CSMD3: variants seen among roughly 807,000 people sequenced by gnomAD.
CSMD3 encodes CUB and sushi domain-containing protein 3.
In CSMD3, 177 loss-of-function variants were observed where a neutral mutation model predicts 435.2. The observed-to-expected ratio is 0.41, with a 90% CI of 0.36 to 0.46. CSMD3 has a LOEUF of 0.46. CSMD3 is among the 20% of genes least tolerant of loss of function. The probability of loss-of-function intolerance (pLI) is 0.34; values close to 1 mark genes in which losing one functional copy is unlikely to be tolerated. For synonymous variants in CSMD3, 1,656 were observed against 1,520.5 expected (o/e 1.09, Z -2.07); for missense variants, 4,265 against 4,504.6 (o/e 0.95, Z 1.52).
chr8:112,534,167 T>C (rs1305108139), intron 27 of CSMD3, among the ~76,000 whole-genome samples: 2 of 151,894 alleles, frequency 1.3e-5, no homozygotes, highest in Non-Finnish European at 2.9e-5. Flanking sequence ...AAGAAATAAC[T>C]AAAATCAGAG....
intron 32 of CSMD3, among the ~76,000 whole-genome samples, chr8:112,416,349 A>G (rs969846703): frequency 1.3e-5 from 2 of 152,128 alleles, no homozygotes; most frequent in African/African-American, 2.4e-5. Flanking sequence ...GCTTTCTACC[A>G]TGATTGTAAG....
At chr8:112,800,306 G>T in intron 12 of CSMD3, 32 bp from the exon 13 acceptor site, 1 of 1,337,816 alleles carries the variant, frequency 7.5e-7, no homozygotes, top group Non-Finnish European at 1.1e-6. Flanking sequence ...AGGGAGAGAT[G>T]GGTTATTAAA....
intron 5 of CSMD3, among the ~76,000 whole-genome samples, chr8:113,063,884 T>C (rs1417940775): frequency 2.6e-5 from 4 of 151,798 alleles, no homozygotes; most frequent in Admixed American, 2.6e-4. Flanking sequence ...AAATAGATGA[T>C]AGTAATAGGT....
chr8:112,850,845 G>C (rs1304243272), intron 11 of CSMD3, among the ~76,000 whole-genome samples: 1 of 152,168 alleles, frequency 6.6e-6, no homozygotes. Context: ...ACTGAATACA[G>C]ATTGGGGCAG....
At chr8:112,546,434 G>C (rs920456929) in intron 27 of CSMD3, among the ~76,000 whole-genome samples, 2 of 152,148 alleles carry the variant, frequency 1.3e-5, no homozygotes, top group African/African-American at 4.8e-5. Flanking sequence ...CATGCAATTG[G>C]TTAAAGCTGG....
intron 8 of CSMD3, among the ~76,000 whole-genome samples, chr8:112,951,233 AGT>A (rs2083797615): frequency 6.6e-6 from 1 of 151,844 alleles, no homozygotes; most frequent in East Asian, 1.9e-4. Flanking sequence ...TTCATTTCAC[AGT>A]GCCATTGATG....
At chr8:113,218,030 T>A (rs2132114078) in intron 3 of CSMD3, among the ~76,000 whole-genome samples, 1 of 151,312 alleles carries the variant, frequency 6.6e-6, no homozygotes, top group South Asian at 2.1e-4. Context: ...ACTGAAGGTA[T>A]ATATATGTTT....
intron 4 of CSMD3, among the ~76,000 whole-genome samples, chr8:113,112,474 TACAC>T (rs10587896): frequency 0.16 from 15,180 of 96,058 alleles, 1,736 homozygotes; most frequent in African/African-American, 0.2. Context: ...CACACACACG[TACAC>T]ACACACACAC....
chr8:112,580,226 G>T (rs566395982), intron 23 of CSMD3, among the ~76,000 whole-genome samples: 54 of 152,014 alleles, frequency 3.6e-4, no homozygotes, highest in African/African-American at 1.2e-3. Flanking sequence ...TTAATTGAAA[G>T]AATTAATTAG....
At chr8:113,145,700 T>C (rs1452558778) in intron 4 of CSMD3, among the ~76,000 whole-genome samples, 1 of 151,660 alleles carries the variant, frequency 6.6e-6, no homozygotes, top group Non-Finnish European at 1.5e-5. Flanking sequence ...ACCTGGTTTA[T>C]TAATTTCTGC....
intron 18 of CSMD3, among the ~76,000 whole-genome samples, chr8:112,651,957 T>C (rs940867820): frequency 2.0e-5 from 3 of 152,126 alleles, no homozygotes; most frequent in African/African-American, 7.2e-5. Flanking sequence ...TCTTACCCTA[T>C]CCAAGGCCCT....
intron 32 of CSMD3, among the ~76,000 whole-genome samples, chr8:112,443,413 G>C (rs1815258244): frequency 6.6e-6 from 1 of 152,084 alleles, no homozygotes; most frequent in African/African-American, 2.4e-5. Context: ...ATAGATAAAA[G>C]ACTATATTTC....
At chr8:113,104,147 TGGGGGTGGG>T (rs1564318832) in intron 4 of CSMD3, among the ~76,000 whole-genome samples, 3 of 152,068 alleles carry the variant, frequency 2.0e-5, no homozygotes, top group Non-Finnish European at 4.4e-5. Context: ...AGCTTAGTGT[TGGGGGTGGG>T]GTGCAGGAAA....
chr8:112,338,936 G>A (rs570237427), intron 42 of CSMD3, among the ~76,000 whole-genome samples: 1 of 152,112 alleles, frequency 6.6e-6, no homozygotes, highest in East Asian at 1.9e-4. Context: ...TAGATTTTAA[G>A]TGTGTAGGAG....
At chr8:113,429,237 CTT>C (rs987714074) in intron 1 of CSMD3, among the ~76,000 whole-genome samples, 15 of 137,320 alleles carry the variant, frequency 1.1e-4, no homozygotes, top group African/African-American at 3.8e-4. Context: ...GAATAATTGT[CTT>C]ATATATATAT....
chr8:112,610,793 T>C (rs1833196145), intron 22 of CSMD3, among the ~76,000 whole-genome samples: 1 of 152,180 alleles, frequency 6.6e-6, no homozygotes, highest in Non-Finnish European at 1.5e-5. Flanking sequence ...CTCTTAGCTC[T>C]TCTCTAGAGG....
In CSMD3 at chr8:113,309,678, CT is replaced by C. The variant is rs2093852362; in HGVS notation, c.401+4892del. On this transcript the variant is annotated intron_variant, in intron 2 of 70. Coordinates refer to ENST00000297405, the MANE Select transcript of CSMD3 (RefSeq NM_198123.2). ...ACTATGACCTTGTGATAATTACTCC[CT>C]GTTTTTAAATCACAACTTTGGAAAC... 5.9e-5 allele frequency: 9 copies of C among 152,222 alleles called. No individual in the cohort carries two copies. The South Asian group carries it at 1.7e-3, about 28-fold the overall frequency. The allele number at this position is 152,222 out of a possible 1,614,324, so 9.4% of individuals were successfully genotyped here.
chr8:113,381,453 C>T (rs1588634529), intron 1 of CSMD3, among the ~76,000 whole-genome samples: 1 of 152,212 alleles, frequency 6.6e-6, no homozygotes, highest in East Asian at 1.9e-4. Flanking sequence ...TTACTAATGT[C>T]CATTCAGAGT....
intron 61 of CSMD3, among the ~76,000 whole-genome samples, chr8:112,261,490 C>T (rs1043129182): frequency 2.0e-5 from 3 of 151,644 alleles, no homozygotes; most frequent in Non-Finnish European, 2.9e-5. Context: ...CATTTCTATA[C>T]ATTTATTGGT....
Sources: allele counts gnomAD v4.1 joint callset (sites outside exome capture counted in the v4.1 genomes callset), GRCh38; gene constraint gnomAD v4.1.1; transcripts MANE v1.5; gene names NCBI Gene and HGNC (gene_info 2026-07-23, HGNC 2026-07-21).